Variants in SLC2A10 observed in about 807,000 individuals in gnomAD.
SLC2A10 encodes solute carrier family 2 member 10, also known as solute carrier family 2, facilitated glucose transporter member 10.
A neutral mutation model predicts 32.1 loss-of-function variants in SLC2A10; 25 were observed. The observed-to-expected ratio is 0.78, with a 90% CI of 0.57 to 1.09. The LOEUF (loss-of-function observed/expected upper bound fraction) is 1.09. Ranked by LOEUF, SLC2A10 falls within the 50% of genes least tolerant of loss-of-function variation. The pLI, the probability that SLC2A10 is intolerant of heterozygous loss-of-function variation, is 0.00. For synonymous variants in SLC2A10, 332 were observed against 309.6 expected, an observed-to-expected ratio of 1.07 and a Z score of -0.76; for missense variants, 673 against 686.5, an observed-to-expected ratio of 0.98 and a Z score of 0.22.
At chr20:46,710,696 T>C (rs1978857189) in intron 1 of SLC2A10, among the ~76,000 whole-genome samples, 2 of 152,076 alleles carry the variant, frequency 1.3e-5, no homozygotes, top group Non-Finnish European at 2.9e-5. Context: ...GGAATGAGTT[T>C]GTGTGGCCCA....
At position 46,733,827 on chromosome 20, in the gene SLC2A10, C is replaced by G. The variant is rs771421586; in HGVS notation, c.1619C>G (p.Ala540Gly). 2 of 1,614,112 alleles carry G rather than the reference C, an allele frequency of 1.2e-6. No homozygotes were observed. Among genetic ancestry groups the G allele is most frequent in the Non-Finnish European group, 1.7e-6 (2 of 1,179,970 alleles). The change falls in exon 5 of 5, where the codon GCC (alanine) becomes GGC (glycine). Residue 540 changes from alanine to glycine, a missense_variant. Ala to Gly is a moderately conservative substitution (Grantham distance 60, BLOSUM62 0). Transcript: ENST00000359271. Reference protein sequence around the residue: ...IPYSRIEISAAS With the variant: ...IPYSRIEISAGS ...TACAGCCGCATCGAGATCTCTGCGG[C>G]CTCCTGAGGAATCCGTCTGCCTGGA...
intron 1 of SLC2A10, among the ~76,000 whole-genome samples, chr20:46,723,372 A>G (rs1265052454): frequency 6.6e-6 from 1 of 152,072 alleles, no homozygotes; most frequent in East Asian, 1.9e-4. Context: ...TCCCTCTTCC[A>G]TCTTAGTAGC....
intron 1 of SLC2A10, among the ~76,000 whole-genome samples, 186 bp from the exon 2 acceptor site, chr20:46,724,855 T>G (rs59731742): frequency 3.7e-5 from 5 of 135,628 alleles, no homozygotes; most frequent in African/African-American, 1.1e-4. Context: ...ATGGTTGAAT[T>G]GATGGAGTGG....
Position 46,718,259 on chromosome 20 carries a change from C to T in SLC2A10, c.5-6782C>T, listed in dbSNP as rs540621959. Reference sequence around the variant, plus strand: ...AGAAAATGCTTTGAGCTTTCTTTTTCCTGTGTCTGTTCTTATGGCGCCTTC... The same window carrying T: ...AGAAAATGCTTTGAGCTTTCTTTTTTCTGTGTCTGTTCTTATGGCGCCTTC... On this transcript the variant is annotated intron_variant, in intron 1 of 4. Transcript: ENST00000359271. Among the ~76,000 whole-genome samples, 51 of 151,902 alleles carry T rather than the reference C, an allele frequency of 3.4e-4. No homozygotes were observed. In the South Asian group the frequency reaches 0.011, roughly 32 times the overall value.
chr20:46,726,818 C>A, intron 2 of SLC2A10, 46 bp from the exon 3 acceptor site: 1 of 1,613,546 alleles, frequency 6.2e-7, no homozygotes, highest in Non-Finnish European at 8.5e-7. Flanking sequence ...GTGCCAGGCC[C>A]CAGGTCCCAC....
intron 1 of SLC2A10, among the ~76,000 whole-genome samples, chr20:46,713,602 A>G (rs1353544752): frequency 6.6e-6 from 1 of 152,168 alleles, no homozygotes. Context: ...CTTAGACTGA[A>G]ATAGGAGCCT....
rs572620317 is a variant in SLC2A10 at position 46,725,453 on chromosome 20, T to A, written c.417T>A (p.Tyr139Ter). 3 of 1,614,146 alleles carry A rather than the reference T, an allele frequency of 1.9e-6. No individual in the cohort carries two copies. The highest frequency in any genetic ancestry group is 2.5e-6 in the Non-Finnish European group (3 of 1,180,010). Residue 139 changes from tyrosine to a stop codon, truncating the protein, a stop_gained, in exon 2 of 5, where the codon TAT becomes TAA. Transcript: ENST00000359271. LOFTEE classifies it high-confidence loss of function. ...PRQRGVLVSL[Y>*]EAGITVGILL... is the part of the protein sequence containing the mutation. Reference sequence around the variant, plus strand: ...AGCGGGGAGTGCTGGTGTCCCTCTATGAGGCAGGCATCACCGTGGGCATCC... The same window carrying A: ...AGCGGGGAGTGCTGGTGTCCCTCTAAGAGGCAGGCATCACCGTGGGCATCC...
chr20:46,725,528 G>C lies in SLC2A10; in HGVS notation c.492G>C (p.Trp164Cys). ...CACTGGCTGGTACCCCCTGGGGATG[G>C]AGGCACATGTTCGGCTGGGCCACTG... Reference protein sequence around the residue: ...NYALAGTPWGWRHMFGWATAP... With the variant: ...NYALAGTPWGCRHMFGWATAP... Residue 164 changes from tryptophan (W) to cysteine (C), a missense_variant, in exon 2 of 5, where the codon TGG becomes TGC. Coordinates refer to ENST00000359271, the MANE Select transcript of SLC2A10 (RefSeq NM_030777.4). 1 of 1,614,174 alleles carries C rather than the reference G, an allele frequency of 6.2e-7. No homozygotes were observed. Among genetic ancestry groups the C allele is most frequent in the Non-Finnish European group, 8.5e-7 (1 of 1,180,020 alleles).
intron 1 of SLC2A10, among the ~76,000 whole-genome samples, chr20:46,717,253 T>C (rs1568980772): frequency 6.6e-6 from 1 of 151,914 alleles, no homozygotes; most frequent in Non-Finnish European, 1.5e-5. Flanking sequence ...CCATAATTGA[T>C]CCATCAAAAG....
At position 46,726,973 on chromosome 20, in the gene SLC2A10, C is replaced by T. The variant is rs2123054424; in HGVS notation, c.1398C>T (p.Phe466=). Residue 466 remains phenylalanine, a synonymous_variant, in exon 3 of 5, where the codon TTC becomes TTT. Coordinates refer to ENST00000359271, the MANE Select transcript of SLC2A10 (RefSeq NM_030777.4). ...WAANLFISLS[F]LDLIGTIGLS... ...CCAACCTCTTCATCAGCCTCTCCTT[C>T]CTCGATCTCATTGGTGAGTCCTTCC... 1 of 1,614,230 alleles carries T rather than the reference C, an allele frequency of 6.2e-7. No individual in the cohort carries two copies. Among genetic ancestry groups the T allele is most frequent in the South Asian group, 1.1e-5 (1 of 91,092 alleles).
intron 2 of SLC2A10, among the ~76,000 whole-genome samples, 188 bp from the exon 3 acceptor site, chr20:46,726,676 A>G (rs1433624003): frequency 1.3e-5 from 2 of 152,164 alleles, no homozygotes; most frequent in Non-Finnish European, 2.9e-5. Context: ...CTCATGTCTC[A>G]GAAAACCTCT....
At chr20:46,709,437 G>A, upstream of SLC2A10, 1 of 430,814 alleles carries the variant, frequency 2.3e-6, no homozygotes, top group South Asian at 4.6e-5. Context: ...TACCAACGAA[G>A]GGGACCCGGG....
In SLC2A10 at chr20:46,725,663, G is replaced by A. The variant is rs1249095019; in HGVS notation, c.627G>A (p.Leu209=). Residue 209 remains leucine (L), a synonymous_variant, in exon 2 of 5, where the codon CTG becomes CTA. Coordinates refer to ENST00000359271, the MANE Select transcript of SLC2A10 (RefSeq NM_030777.4). ...TCCAGGGAGGTGAGGCCCCCAAGCT[G>A]GGCCCGGGGAGGCCACGGTACTCCT... is the stretch of plus-strand genomic sequence containing the variant. ...IPLQGGEAPK[L]GPGRPRYSFL... is the part of the protein sequence containing the mutation. 1 of 1,614,008 alleles carries A rather than the reference G, an allele frequency of 6.2e-7. No homozygotes were observed. The highest frequency in any genetic ancestry group is 8.5e-7 in the Non-Finnish European group (1 of 1,179,936).
At chr20:46,728,813 C>T (rs895626955) in intron 3 of SLC2A10, among the ~76,000 whole-genome samples, 13 of 151,918 alleles carry the variant, frequency 8.6e-5, no homozygotes, top group African/African-American at 3.1e-4. Flanking sequence ...TTAGTAGAGA[C>T]AGGGTTTCAC....
intron 1 of SLC2A10, among the ~76,000 whole-genome samples, chr20:46,713,052 T>C (rs1979025619): frequency 6.6e-6 from 1 of 152,156 alleles, no homozygotes; most frequent in Admixed American, 6.5e-5. Flanking sequence ...CCAAGATCCT[T>C]TCTTTCTGGA....
At chr20:46,732,679 C>G (rs180856665) in intron 4 of SLC2A10, among the ~76,000 whole-genome samples, 2 of 151,522 alleles carry the variant, frequency 1.3e-5, no homozygotes, top group Non-Finnish European at 2.9e-5. Context: ...TTTTGTGTAT[C>G]GGTTTCACTC....
At chr20:46,719,892 G>A (rs1049758934) in intron 1 of SLC2A10, among the ~76,000 whole-genome samples, 2 of 152,194 alleles carry the variant, frequency 1.3e-5, no homozygotes, top group Admixed American at 1.3e-4. Flanking sequence ...TACAGGTGAG[G>A]AAACGAGTTC....
intron 1 of SLC2A10, among the ~76,000 whole-genome samples, chr20:46,716,595 G>A (rs922419120): frequency 1.3e-5 from 2 of 152,166 alleles, no homozygotes; most frequent in African/African-American, 4.8e-5. Context: ...GATGCTTCCA[G>A]AAATATATAA....
chr20:46,721,507 G>C (rs1979555652), intron 1 of SLC2A10, among the ~76,000 whole-genome samples: 1 of 151,340 alleles, frequency 6.6e-6, no homozygotes, highest in Non-Finnish European at 1.5e-5. Flanking sequence ...CTGTTGCTCA[G>C]TGTACTAATT....
Sources: allele counts gnomAD v4.1 joint callset (sites outside exome capture counted in the v4.1 genomes callset), GRCh38; gene constraint gnomAD v4.1.1; transcripts MANE v1.5; gene names NCBI Gene and HGNC (gene_info 2026-07-23, HGNC 2026-07-21).